Variants in MTA3 observed in about 807,000 individuals in gnomAD.
The protein encoded by MTA3 is metastasis-associated protein MTA3.
A neutral mutation model predicts 83.5 loss-of-function variants in MTA3; 34 were observed. The ratio of observed to expected loss-of-function variants is 0.41; its 90% CI spans 0.31 to 0.54. The LOEUF (loss-of-function observed/expected upper bound fraction) is 0.54, where lower values mean the gene tolerates loss of function less well. Ranked by LOEUF, MTA3 falls within the 20% of genes least tolerant of loss-of-function variation. MTA3 has a pLI of 0.33. For missense variants in MTA3, 761 were observed against 726.4 expected (o/e 1.05, Z -0.55); for synonymous variants, 303 against 252.7 (o/e 1.20, Z -1.89).
At chr2:42,673,325 A>G (rs994206619) in intron 8 of MTA3, among the ~76,000 whole-genome samples, 1 of 152,156 alleles carries the variant, frequency 6.6e-6, no homozygotes, top group South Asian at 2.1e-4. Context: ...GTGAAATTGT[A>G]ACTGAACAAA....
At chr2:42,495,727 G>T (rs778656267) in intron 2 of MTA3, among the ~76,000 whole-genome samples, 1 of 152,140 alleles carries the variant, frequency 6.6e-6, no homozygotes, top group Non-Finnish European at 1.5e-5. Context: ...AATCCCTGGA[G>T]GTTTCCATAG....
intron 14 of MTA3, among the ~76,000 whole-genome samples, chr2:42,715,946 C>A (rs755867611): frequency 6.6e-6 from 1 of 152,148 alleles, no homozygotes; most frequent in Non-Finnish European, 1.5e-5. Flanking sequence ...GTCCTTATCC[C>A]AAATATAACT....
At position 42,554,687 on chromosome 2, in the gene MTA3, C is replaced by T. The variant is rs192808514; in HGVS notation, c.-140-15750C>T. Among the ~76,000 whole-genome samples the T allele has an allele frequency of 3.8e-3, 584 of 152,286 alleles. 4 individuals are homozygous for T. Among genetic ancestry groups the T allele is most frequent in the Non-Finnish European group, 5.8e-3 (393 of 68,012 alleles). Reference sequence around the variant, plus strand: ...AATCTCCTTTTGAGATCTCCTCTTTCCTCAAATCTGGAGGGTGGTGGATAT... The same window carrying T: ...AATCTCCTTTTGAGATCTCCTCTTTTCTCAAATCTGGAGGGTGGTGGATAT... On this transcript the variant is annotated intron_variant, in intron 2 of 17. Coordinates refer to the MTA3 transcript ENST00000405592.
chr2:42,717,957 G>A (rs1272436168), intron 14 of MTA3, among the ~76,000 whole-genome samples: 1 of 152,152 alleles, frequency 6.6e-6, no homozygotes, highest in Non-Finnish European at 1.5e-5. Context: ...CTGCTATAAT[G>A]TAGAAATGCC....
chr2:42,654,099 A>C (rs1688947664), intron 6 of MTA3, among the ~76,000 whole-genome samples: 1 of 152,230 alleles, frequency 6.6e-6, no homozygotes. Flanking sequence ...TTCAAACCTT[A>C]GATCTTTTTG....
chr2:42,733,182 T>G (rs1205751421), intron 16 of MTA3, among the ~76,000 whole-genome samples: 5 of 151,998 alleles, frequency 3.3e-5, no homozygotes, highest in African/African-American at 1.2e-4. Context: ...TACCCGAGAA[T>G]GGGAAGAAAA....
chr2:42,738,080 G>A (rs551446043), intron 16 of MTA3, among the ~76,000 whole-genome samples: 2 of 152,310 alleles, frequency 1.3e-5, no homozygotes, highest in East Asian at 1.9e-4. Context: ...TTGGCAACAT[G>A]CTGAAACCTT....
intron 3 of MTA3, among the ~76,000 whole-genome samples, chr2:42,606,668 C>T (rs1355985364): frequency 6.6e-6 from 1 of 151,212 alleles, no homozygotes; most frequent in Non-Finnish European, 1.5e-5. Context: ...CCTCACTTCC[C>T]AGACGGGGTG....
chr2:42,710,244 G>A (rs1486410835), intron 14 of MTA3, among the ~76,000 whole-genome samples: 1 of 152,130 alleles, frequency 6.6e-6, no homozygotes, highest in African/African-American at 2.4e-5. Context: ...TCTATAAGAA[G>A]AAAAATGCTT....
intron 2 of MTA3, chr2:42,511,844 C>G (rs893997873): frequency 1.3e-5 from 2 of 152,130 alleles, no homozygotes; most frequent in African/African-American, 4.8e-5. Flanking sequence ...CAGTGAAACC[C>G]CATCTCTACT....
At chr2:42,542,808 C>T (rs1180506870) in intron 2 of MTA3, among the ~76,000 whole-genome samples, 2 of 152,102 alleles carry the variant, frequency 1.3e-5, no homozygotes, top group Non-Finnish European at 2.9e-5. Flanking sequence ...CTGTCCACCT[C>T]AGCCTCCCAA....
At chr2:42,679,550 A>G (rs1691680245) in intron 8 of MTA3, among the ~76,000 whole-genome samples, 1 of 152,244 alleles carries the variant, frequency 6.6e-6, no homozygotes, top group Non-Finnish European at 1.5e-5. Context: ...TACCTAAGGC[A>G]CAGTGGTGGC....
In MTA3 at chr2:42,656,121, A is replaced by T; in HGVS notation, c.500-79A>T. ...CTTACACATAAACATTTCTAATGCT[A>T]TGGTGACAGTTGTCATCAGTGGTAT... is the stretch of plus-strand genomic sequence containing the variant. On this transcript the variant is annotated intron_variant, in intron 6 of 16. Coordinates refer to ENST00000405094, the MANE Select transcript of MTA3 (RefSeq NM_001330442.2). 26 of 1,059,442 alleles carry T rather than the reference A, an allele frequency of 2.5e-5. 1 individual carries two copies. The South Asian group carries it at 3.5e-4, about 14-fold the overall frequency. The allele number at this position is 1,059,442 out of a possible 1,614,324, so 65.6% of individuals were successfully genotyped here. A position where few individuals can be genotyped will look rare whatever the true frequency, so the allele number is the denominator to read the frequency against.
chr2:42,694,541 G>A (rs1002489492), intron 9 of MTA3, among the ~76,000 whole-genome samples: 1 of 152,132 alleles, frequency 6.6e-6, no homozygotes, highest in Non-Finnish European at 1.5e-5. Flanking sequence ...CTGTCACAGG[G>A]CAGCACTAAG....
In MTA3 at chr2:42,694,436, C is replaced by G. The variant is rs375462252; in HGVS notation, c.892-1329C>G. 6.6e-5 allele frequency among the ~76,000 whole-genome samples: 10 copies of G among 152,272 alleles called. No homozygotes were observed. The East Asian group carries it at 1.9e-3, about 29-fold the overall frequency. On this transcript the variant is annotated intron_variant, in intron 9 of 16. Coordinates refer to ENST00000405094, the MANE Select transcript of MTA3 (RefSeq NM_001330442.2). ...GCTTGTTGAGAAACTCAAGTTCCAA[C>G]CGATAGGATAGGTGATTACCCTCTG... is the stretch of plus-strand genomic sequence containing the variant.
intron 4 of MTA3, among the ~76,000 whole-genome samples, chr2:42,639,062 T>TC (rs1249961988): frequency 2.0e-5 from 3 of 150,562 alleles, no homozygotes; most frequent in African/African-American, 4.9e-5. Context: ...TTTCTTTCTT[T>TC]CTTTTTTTTT....
chr2:42,505,659 GA>G (rs1250818288), intron 2 of MTA3, among the ~76,000 whole-genome samples: 2 of 151,818 alleles, frequency 1.3e-5, no homozygotes, highest in African/African-American at 4.8e-5. Flanking sequence ...TTCATATCAT[GA>G]AATATTTAAG....
rs1670168414 is a variant in MTA3 at position 42,755,302 on chromosome 2, C to T, written c.*1903C>T. Reference sequence around the variant, plus strand: ...AAGTGGTGACTGCAGATTCTGGAAACAATTAGCTGCCCGTGACTCAGCTGC... The same window carrying T: ...AAGTGGTGACTGCAGATTCTGGAAATAATTAGCTGCCCGTGACTCAGCTGC... On this transcript the variant is annotated 3_prime_UTR_variant, in exon 17 of 17. Transcript: ENST00000405094. The T allele has an allele frequency of 1.0e-6, 1 of 985,466 alleles. No homozygotes were observed. Among genetic ancestry groups the T allele is most frequent in the Non-Finnish European group, 1.2e-6 (1 of 829,978 alleles). The allele number at this position is 985,466 out of a possible 1,614,324, so 61.0% of individuals were successfully genotyped here.
At chr2:42,516,980 C>G (rs1250534267) in intron 2 of MTA3, among the ~76,000 whole-genome samples, 1 of 152,096 alleles carries the variant, frequency 6.6e-6, no homozygotes, top group African/African-American at 2.4e-5. Flanking sequence ...AAAAATTTGG[C>G]CCGGTGTGGT....
Sources: allele counts gnomAD v4.1 joint callset (sites outside exome capture counted in the v4.1 genomes callset), GRCh38; gene constraint gnomAD v4.1.1; transcripts MANE v1.5; gene names NCBI Gene and HGNC (gene_info 2026-07-23, HGNC 2026-07-21).